INSYN2A: variants seen among roughly 807,000 people sequenced by gnomAD.
INSYN2A encodes the protein inhibitory synaptic factor 2A.
In INSYN2A, 17 loss-of-function variants were observed where a neutral mutation model predicts 39.4. The ratio of observed to expected loss-of-function variants is 0.43; its 90% CI spans 0.30 to 0.65. The LOEUF (loss-of-function observed/expected upper bound fraction) is 0.65, where lower values mean the gene tolerates loss of function less well. Ranked by LOEUF, INSYN2A falls within the 30% of genes least tolerant of loss-of-function variation. INSYN2A has a pLI of 0.14. For missense variants in INSYN2A, 595 were observed against 631.2 expected, an observed-to-expected ratio of 0.94 and a Z score of 0.61; for synonymous variants, 255 against 265.7, an observed-to-expected ratio of 0.96 and a Z score of 0.39.
chr10:127,191,939 T>A (rs2056785080), intron 2 of INSYN2A, among the ~76,000 whole-genome samples: 1 of 152,252 alleles, frequency 6.6e-6, no homozygotes, highest in Non-Finnish European at 1.5e-5. Context: ...CCTTCCCATG[T>A]CTCTCATATG....
intron 4 of INSYN2A, among the ~76,000 whole-genome samples, chr10:127,157,657 G>A (rs957673462): frequency 1.8e-4 from 27 of 152,290 alleles, no homozygotes; most frequent in Non-Finnish European, 3.8e-4. Context: ...CATATCTGTG[G>A]TCATTCTTTT....
intron 4 of INSYN2A, among the ~76,000 whole-genome samples, chr10:127,170,220 G>GT (rs2054438902): frequency 6.6e-6 from 1 of 152,130 alleles, no homozygotes. Context: ...AGGATTTTCT[G>GT]TTTTTAATCA....
intron 2 of INSYN2A, among the ~76,000 whole-genome samples, chr10:127,186,687 A>G (rs1283783049): frequency 2.0e-5 from 3 of 152,050 alleles, no homozygotes; most frequent in Non-Finnish European, 4.4e-5. Context: ...ACTGAGAACA[A>G]TGAATATAAA....
chr10:127,160,556 T>C (rs1237487954), intron 4 of INSYN2A, among the ~76,000 whole-genome samples: 1 of 152,240 alleles, frequency 6.6e-6, no homozygotes. Flanking sequence ...AGTTCAGAGC[T>C]TCTAGCATGT....
chr10:127,152,472 C>G (rs911439144), intron 5 of INSYN2A, among the ~76,000 whole-genome samples: 1 of 152,174 alleles, frequency 6.6e-6, no homozygotes, highest in Non-Finnish European at 1.5e-5. Flanking sequence ...TGCAGGGGCC[C>G]CTCCTCCCTT....
chr10:127,138,119 G>T, intron 5 of INSYN2A, 99 bp from the exon 6 acceptor site: 3 of 1,051,506 alleles, frequency 2.9e-6, no homozygotes, highest in Non-Finnish European at 4.1e-6. Flanking sequence ...GTGTGTGTTT[G>T]TAATGTAATT....
intron 4 of INSYN2A, among the ~76,000 whole-genome samples, chr10:127,172,909 C>T (rs1043490045): frequency 1.3e-5 from 2 of 152,154 alleles, no homozygotes; most frequent in African/African-American, 2.4e-5. Flanking sequence ...ATGTGGCTAT[C>T]GAGCATTTGA....
chr10:127,185,397 G>A (rs1291733293), intron 2 of INSYN2A, among the ~76,000 whole-genome samples: 5 of 152,022 alleles, frequency 3.3e-5, no homozygotes, highest in East Asian at 3.9e-4. Flanking sequence ...GTGGTGATGC[G>A]TGCCTGTAAT....
At chr10:127,165,660 A>G (rs922608739) in intron 4 of INSYN2A, among the ~76,000 whole-genome samples, 2 of 152,168 alleles carry the variant, frequency 1.3e-5, no homozygotes, top group Admixed American at 6.5e-5. Flanking sequence ...AGGAAGGAAG[A>G]GCCAGACAGG....
At chr10:127,182,038 C>G (rs1211737663) in intron 2 of INSYN2A, among the ~76,000 whole-genome samples, 1 of 152,024 alleles carries the variant, frequency 6.6e-6, no homozygotes, top group African/African-American at 2.4e-5. Flanking sequence ...ATTCAGACAC[C>G]CTTGTGTGAC....
chr10:127,143,939 C>T (rs2051529354), intron 5 of INSYN2A, among the ~76,000 whole-genome samples: 1 of 152,194 alleles, frequency 6.6e-6, no homozygotes, highest in African/African-American at 2.4e-5. Context: ...GCATCTCTGT[C>T]CTTCCAGACT....
chr10:127,150,076 G>C (rs577778505), intron 5 of INSYN2A, among the ~76,000 whole-genome samples: 1 of 152,266 alleles, frequency 6.6e-6, no homozygotes, highest in East Asian at 1.9e-4. Flanking sequence ...AACAAGACAT[G>C]GATGTAGATT....
At position 127,176,549 on chromosome 10, in the gene INSYN2A, C is replaced by T; in HGVS notation, c.-5-149G>A. On this transcript the variant is annotated intron_variant, in intron 3 of 5. Coordinates refer to ENST00000522781, the MANE Select transcript of INSYN2A (RefSeq NM_001039762.3). This position sits in a 1 kb window ranked among gnomAD's most constrained non-coding sequence, Gnocchi z 4.4. ...TCGGCCTTTATGTTAAGGAAAATCA[C>T]ACGGGCTGAGAGTCGCTGGCAGCAC... 1.5e-6 allele frequency: 1 copy of T among 656,384 alleles called. No individual in the cohort carries two copies. The highest frequency in any genetic ancestry group is 2.6e-6 in the Non-Finnish European group (1 of 389,934). 40.7% of individuals were successfully genotyped at this position (656,384 alleles called of 1,614,324 possible).
Position 127,137,742 on chromosome 10 carries a change from C to G in INSYN2A, c.*95G>C, listed in dbSNP as rs2050822742. Reference sequence around the variant, plus strand: ...GAAGTGGGAGGTGCCTGAATGGGCACCACAGTTCCCTCGATCCTATTCATT... The same window carrying G: ...GAAGTGGGAGGTGCCTGAATGGGCAGCACAGTTCCCTCGATCCTATTCATT... On this transcript the variant is annotated 3_prime_UTR_variant, in exon 6 of 6. Transcript: ENST00000522781. The G allele has an allele frequency of 1.6e-6, 2 of 1,232,156 alleles. No individual in the cohort carries two copies. Among genetic ancestry groups the G allele is most frequent in the Admixed American group, 2.4e-5 (1 of 41,812 alleles). 76.3% of individuals were successfully genotyped at this position (1,232,156 alleles called of 1,614,324 possible).
intron 4 of INSYN2A, among the ~76,000 whole-genome samples, chr10:127,166,864 A>G (rs187394239): frequency 2.0e-5 from 3 of 152,014 alleles, no homozygotes; most frequent in South Asian, 2.1e-4. Flanking sequence ...TTTATCTGCA[A>G]ATGGGCTGTC....
intron 5 of INSYN2A, chr10:127,146,206 A>G: frequency 3.4e-6 from 1 of 298,058 alleles, no homozygotes; most frequent in Non-Finnish European, 6.6e-6. Flanking sequence ...ACCTTGGGGT[A>G]TAACCAAAGG....
chr10:127,148,030 CAAAAAAAAA>C (rs57503481), intron 5 of INSYN2A, among the ~76,000 whole-genome samples: 2 of 63,320 alleles, frequency 3.2e-5, no homozygotes, highest in Admixed American at 2.5e-4. Context: ...GACTCTGTCT[CAAAAAAAAA>C]AAAAAAAAAA....
intron 4 of INSYN2A, among the ~76,000 whole-genome samples, chr10:127,172,438 G>C (rs1456843899): frequency 6.6e-6 from 1 of 152,186 alleles, no homozygotes; most frequent in Non-Finnish European, 1.5e-5. Flanking sequence ...CAGGGTCTGG[G>C]AAGGGATGGA....
chr10:127,176,290 G>A lies in INSYN2A; in HGVS notation c.106C>T (p.Arg36Trp), dbSNP rs1251294324. The A allele has an allele frequency of 8.7e-6, 14 of 1,614,078 alleles. No individual in the cohort carries two copies. Among genetic ancestry groups the A allele is most frequent in the Non-Finnish European group, 1.2e-5 (14 of 1,180,026 alleles). The change falls in exon 4 of 6, where the codon CGG (arginine) becomes TGG (tryptophan). Residue 36 changes from arginine (R) to tryptophan (W), a missense_variant. Transcript: ENST00000522781. The surrounding 1 kb of genome is among the most constrained non-coding windows in gnomAD (Gnocchi z 4.4). ...LEMKYALDPN[R>W]QIKKRNKALQ... ...GCTTTGTTCCGTTTTTTAATCTGCC[G>A]GTTGGGGTCCAGGGCGTATTTCATC...
Sources: gnomAD v4.1 joint callset for allele counts (sites outside exome capture counted in the v4.1 genomes callset) on GRCh38, gnomAD v4.1.1 for gene constraint, Gnocchi (gnomAD v3.1) non-coding constraint, MANE v1.5 for transcripts, NCBI Gene and HGNC (gene_info 2026-07-23, HGNC 2026-07-21) for gene names.